Variants in INSL6 observed in about 807,000 individuals in gnomAD.
INSL6 encodes insulin like 6.
In INSL6, 16 loss-of-function variants were observed where a neutral mutation model predicts 9.4. That is an observed-to-expected ratio of 1.70 (90% CI 1.15 to 2.59). INSL6 has a LOEUF of 2.59. Among genes scored for constraint, INSL6 ranks in the 30% most tolerant of loss-of-function variants. The pLI is 0.00. For missense variants in INSL6, 391 were observed against 257.3 expected (o/e 1.52, Z -3.56); for synonymous variants, 154 against 96.9 (o/e 1.59, Z -3.46).
At chr9:5,177,887 C>G (rs1010168732) in intron 1 of INSL6, among the ~76,000 whole-genome samples, 4 of 151,972 alleles carry the variant, frequency 2.6e-5, no homozygotes, top group African/African-American at 9.7e-5. Context: ...TCTTCTTTTT[C>G]TTTTTTGAGT....
chr9:5,170,490 C>T (rs562485629), intron 1 of INSL6, among the ~76,000 whole-genome samples: 3 of 150,560 alleles, frequency 2.0e-5, no homozygotes, highest in African/African-American at 4.9e-5. Context: ...AATAACCAAG[C>T]TTAGAGCAGA....
At chr9:5,018,304 A>G in the INSL6 span, among the ~76,000 whole-genome samples, 72 of 151,990 alleles carry the variant, frequency 4.7e-4, 2 homozygotes, top group East Asian at 3.1e-3. Flanking sequence ...GTTTTTCATA[A>G]TGGTAGTAAT....
chr9:5,051,143 T>G, the INSL6 span, among the ~76,000 whole-genome samples: 1 of 152,216 alleles, frequency 6.6e-6, no homozygotes, highest in South Asian at 2.1e-4. Context: ...GCAAGAGGGA[T>G]AGTCAACCTA....
the INSL6 span, chr9:5,089,921 A>G: frequency 2.5e-6 from 3 of 1,185,918 alleles, no homozygotes; most frequent in Non-Finnish European, 3.3e-6. Context: ...CATCCTGTGT[A>G]ATATAAATGT....
chr9:5,034,037 T>G, the INSL6 span, among the ~76,000 whole-genome samples: 1 of 152,050 alleles, frequency 6.6e-6, no homozygotes, highest in African/African-American at 2.4e-5. Flanking sequence ...AATAAAGGGA[T>G]GGAGGAACAT....
At chr9:5,013,596 T>C in the INSL6 span, among the ~76,000 whole-genome samples, 1 of 152,238 alleles carries the variant, frequency 6.6e-6, no homozygotes, top group Non-Finnish European at 1.5e-5. Flanking sequence ...TACATTCCTC[T>C]TTCCATGTTT....
the INSL6 span, chr9:5,065,060 A>C: frequency 4.7e-6 from 7 of 1,485,832 alleles, no homozygotes; most frequent in Non-Finnish European, 6.3e-6. Flanking sequence ...ACAGACTTAA[A>C]AGTAAATTTT....
At chr9:5,139,871 T>C (rs1824463842) in intron 2 of INSL6, among the ~76,000 whole-genome samples, 1 of 152,212 alleles carries the variant, frequency 6.6e-6, no homozygotes, top group Admixed American at 6.5e-5. Flanking sequence ...ATTTAACAAA[T>C]CTTTTTTGAA....
At chr9:5,041,956 C>A in the INSL6 span, 11 of 378,738 alleles carry the variant, frequency 2.9e-5, no homozygotes, top group South Asian at 2.3e-4. Flanking sequence ...GAATCTTCTC[C>A]GTGCGGCCCC....
the INSL6 span, chr9:5,041,993 T>C: frequency 2.0e-5 from 7 of 357,344 alleles, no homozygotes; most frequent in Non-Finnish European, 3.8e-5. Flanking sequence ...TGTGAGGGCC[T>C]TGGGGCCCAC....
At chr9:5,127,339 G>T (rs1824067203) in intron 3 of INSL6, 1 of 231,924 alleles carries the variant, frequency 4.3e-6, no homozygotes, top group East Asian at 6.1e-5. Context: ...TTGTGTCCTT[G>T]TTCATTTATA....
the INSL6 span, among the ~76,000 whole-genome samples, chr9:5,064,536 A>G: frequency 3.3e-5 from 5 of 152,210 alleles, no homozygotes; most frequent in African/African-American, 1.2e-4. Flanking sequence ...AAAAAAAAAA[A>G]AAAAGAAAAA....
the INSL6 span, chr9:5,113,460 C>T: frequency 1.4e-5 from 2 of 147,280 alleles, no homozygotes; most frequent in African/African-American, 5.0e-5. Context: ...CCCGGACTGA[C>T]CTTGGCCAGG....
intron 1 of INSL6, among the ~76,000 whole-genome samples, chr9:5,180,573 C>A (rs374294808): frequency 2.0e-5 from 3 of 152,062 alleles, no homozygotes; most frequent in East Asian, 1.9e-4. Context: ...TGTCTTATGT[C>A]GTTGACATAA....
chr9:5,154,421 T>G (rs2130897811), intron 2 of INSL6, among the ~76,000 whole-genome samples: 1 of 152,266 alleles, frequency 6.6e-6, no homozygotes, highest in East Asian at 1.9e-4. Flanking sequence ...GGGCAAGGAC[T>G]TCATGTCTAA....
At chr9:5,161,317 A>G (rs1223925683), downstream of INSL6, among the ~76,000 whole-genome samples, 1 of 152,216 alleles carries the variant, frequency 6.6e-6, no homozygotes, top group Non-Finnish European at 1.5e-5. Flanking sequence ...CAAGAGAATG[A>G]AGGACAAAAA....
the INSL6 span, among the ~76,000 whole-genome samples, chr9:5,105,896 T>A: frequency 6.6e-6 from 1 of 152,232 alleles, no homozygotes; most frequent in African/African-American, 2.4e-5. Context: ...TCCTTACACC[T>A]TATAGAAAAA....
chr9:5,004,622 T>C, the INSL6 span, among the ~76,000 whole-genome samples: 1 of 152,064 alleles, frequency 6.6e-6, no homozygotes, highest in African/African-American at 2.4e-5. Flanking sequence ...TGCTTTGACA[T>C]ATTATTTTTA....
chr9:5,128,095 TG>T lies in INSL6; in HGVS notation c.*11-3585del, dbSNP rs1216568617. 213 of 231,540 alleles carry T rather than the reference TG, an allele frequency of 9.2e-4. 2 individuals carry two copies. The highest frequency in any genetic ancestry group is 4.6e-3 in the African/African-American group (206 of 45,046). 14.3% of individuals were successfully genotyped at this position (231,540 alleles called of 1,614,324 possible). ...ATGGTGGGTTTTGTGTGTGTGTGTG[TG>T]TGTGTGTGTGTGTGTGTGTGTGTGT... On this transcript the variant is annotated intron_variant, in intron 3 of 3. Transcript: ENST00000649639.
Sources: gnomAD v4.1 joint callset for allele counts (sites outside exome capture counted in the v4.1 genomes callset) on GRCh38, gnomAD v4.1.1 for gene constraint, MANE v1.5 for transcripts, NCBI Gene and HGNC (gene_info 2026-07-23, HGNC 2026-07-21) for gene names.